Variants in EXOC1 observed in about 807,000 individuals in gnomAD.
The protein encoded by EXOC1 is SEC3-like 1.
A neutral mutation model predicts 107.7 loss-of-function variants in EXOC1; 67 were observed. The observed-to-expected ratio is 0.62, with a 90% confidence interval of 0.51 to 0.76. EXOC1 has a LOEUF of 0.76. EXOC1 is among the 30% of genes least tolerant of loss of function. The probability of loss-of-function intolerance (pLI) is 0.00; values close to 1 mark genes in which losing one functional copy is unlikely to be tolerated. For missense variants in EXOC1, 833 were observed against 1,055.7 expected (o/e 0.79, Z 2.92); for synonymous variants, 348 against 353.5 (o/e 0.98, Z 0.17).
intron 1 of EXOC1, among the ~76,000 whole-genome samples, chr4:55,854,594 T>C (rs1474343952): frequency 1.3e-5 from 2 of 152,238 alleles, no homozygotes; most frequent in Non-Finnish European, 2.9e-5. Flanking sequence ...TGTTGACTAC[T>C]GTAACCTAGA....
At chr4:55,884,166 G>A (rs1723662904) in intron 10 of EXOC1, among the ~76,000 whole-genome samples, 1 of 152,144 alleles carries the variant, frequency 6.6e-6, no homozygotes, top group African/African-American at 2.4e-5. Context: ...TATTCATGCT[G>A]TAATCAAATA....
In EXOC1 at chr4:55,904,477, C is replaced by A. The variant is rs769617214; in HGVS notation, c.2667C>A (p.Ser889Arg). ...AGGACATTCTGGATTATTGTTCCAG[C>A]ATTGCACAGTCCCACTAAACCTTGT... Reference protein sequence around the residue: ...TIQDILDYCSSIAQSH With the variant: ...TIQDILDYCSRIAQSH The change falls in exon 19 of 19, where the codon AGC becomes AGA. Residue 889 changes from serine (S) to arginine (R), a missense_variant. This residue lies in a region of EXOC1 where 216 missense variants were observed against 354.4 expected (regional missense o/e 0.61). Coordinates refer to ENST00000381295, the MANE Select transcript of EXOC1 (RefSeq NM_001024924.2). 3 of 1,612,026 alleles carry A rather than the reference C, an allele frequency of 1.9e-6. No homozygotes were observed. In the East Asian group the frequency reaches 6.7e-5, roughly 36 times the overall value.
chr4:55,878,291 C>G (rs1033927845), intron 9 of EXOC1, among the ~76,000 whole-genome samples: 6 of 152,134 alleles, frequency 3.9e-5, no homozygotes, highest in African/African-American at 1.4e-4. Context: ...ATACTGTAGC[C>G]TAAAGCATCA....
At chr4:55,901,094 A>G (rs923226690) in intron 17 of EXOC1, among the ~76,000 whole-genome samples, 3 of 152,172 alleles carry the variant, frequency 2.0e-5, no homozygotes, top group African/African-American at 4.8e-5. Flanking sequence ...TAAAGCAGAA[A>G]TATTGTTAGA....
chr4:55,870,661 G>C lies in EXOC1; in HGVS notation c.604-17G>C, dbSNP rs369775108. On this transcript the variant is annotated splice_polypyrimidine_tract_variant and intron_variant, in intron 5 of 18. Coordinates refer to ENST00000381295, the MANE Select transcript of EXOC1 (RefSeq NM_001024924.2). ...GTTTGTTTGTTTGTTTGTTTGTTTT[G>C]GTCTTTAACTTTGTAGGCTAACATC... is the stretch of plus-strand genomic sequence containing the variant. 1.8e-5 allele frequency: 25 copies of C among 1,390,280 alleles called. No homozygotes were observed. The highest frequency in any genetic ancestry group is 1.8e-4 in the Middle Eastern group (1 of 5,560). The allele number at this position is 1,390,280 out of a possible 1,614,324, so 86.1% of individuals were successfully genotyped here.
intron 5 of EXOC1, among the ~76,000 whole-genome samples, chr4:55,870,175 A>T (rs12640685): frequency 4.6e-5 from 7 of 152,228 alleles, no homozygotes. Context: ...AATTAGTTTC[A>T]TATATCCTTC....
chr4:55,890,128 T>C, intron 11 of EXOC1, 95 bp from the exon 12 acceptor site: 2 of 1,233,366 alleles, frequency 1.6e-6, no homozygotes, highest in South Asian at 2.7e-5. Flanking sequence ...CCCTGGAAGA[T>C]CAAGCCAGTA....
chr4:55,897,415 A>G (rs1472482321), intron 16 of EXOC1, among the ~76,000 whole-genome samples: 3 of 152,182 alleles, frequency 2.0e-5, no homozygotes, highest in Admixed American at 2.0e-4. Context: ...AAGCAAATCA[A>G]TTCACTTATT....
chr4:55,900,089 TTATC>T (rs1725725253), intron 17 of EXOC1, among the ~76,000 whole-genome samples: 1 of 152,166 alleles, frequency 6.6e-6, no homozygotes, highest in Non-Finnish European at 1.5e-5. Context: ...TATACATTAT[TTATC>T]TACTATATTT....
At chr4:55,887,995 G>A (rs140573982) in intron 10 of EXOC1, among the ~76,000 whole-genome samples, 178 of 152,254 alleles carry the variant, frequency 1.2e-3, no homozygotes, top group African/African-American at 4.1e-3. Flanking sequence ...TTGAAGCTTG[G>A]CAGGGATAAT....
chr4:55,862,043 G>C, intron 3 of EXOC1, among the ~76,000 whole-genome samples: 1 of 151,426 alleles, frequency 6.6e-6, no homozygotes, highest in Middle Eastern at 3.4e-3. Context: ...AACAGAGTGA[G>C]ACTCTGTCTC....
chr4:55,863,709 C>A (rs569984441), intron 3 of EXOC1, among the ~76,000 whole-genome samples: 1 of 152,270 alleles, frequency 6.6e-6, no homozygotes, highest in East Asian at 1.9e-4. Flanking sequence ...TAGGCGCAAT[C>A]TCTGCTTTTC....
intron 3 of EXOC1, among the ~76,000 whole-genome samples, chr4:55,863,732 C>T (rs1200918064): frequency 1.3e-5 from 2 of 152,118 alleles, no homozygotes; most frequent in Non-Finnish European, 2.9e-5. Flanking sequence ...CTCACTTGTT[C>T]TTAGAAAGTA....
At chr4:55,886,015 A>G (rs1159099508) in intron 10 of EXOC1, among the ~76,000 whole-genome samples, 2 of 152,182 alleles carry the variant, frequency 1.3e-5, no homozygotes, top group African/African-American at 4.8e-5. Context: ...TGCAGTCAGT[A>G]CGAACCATAC....
At position 55,874,714 on chromosome 4, in the gene EXOC1, T is replaced by G. The variant is rs113880913; in HGVS notation, c.1074+2756T>G. Among the ~76,000 whole-genome samples the G allele has an allele frequency of 3.3e-5, 5 of 152,272 alleles. 1 individual carries two copies. The highest frequency in any genetic ancestry group is 1.2e-4 in the African/African-American group (5 of 41,576). The stretch of plus-strand genomic sequence containing the variant: ...TAAAGAGTAGTTAGCTTCTTTTAGA[T>G]CTTTCAGATCTTACACACTCAACTT... On this transcript the variant is annotated intron_variant, in intron 8 of 18. Coordinates refer to ENST00000381295, the MANE Select transcript of EXOC1 (RefSeq NM_001024924.2).
At chr4:55,862,554 G>C (rs1006305723) in intron 3 of EXOC1, among the ~76,000 whole-genome samples, 2 of 151,876 alleles carry the variant, frequency 1.3e-5, no homozygotes, top group African/African-American at 4.8e-5. Flanking sequence ...GTGTTTTTTT[G>C]TAAGTAATAA....
chr4:55,876,004 G>A, intron 8 of EXOC1: 2 of 977,492 alleles, frequency 2.0e-6, no homozygotes, highest in Non-Finnish European at 1.2e-6. Flanking sequence ...ATGTGATGCT[G>A]TAGAATCCTG....
Position 55,891,351 on chromosome 4 carries a change from T to C in EXOC1, c.1576T>C (p.Cys526Arg), listed in dbSNP as rs1305020301. 2.5e-6 allele frequency: 4 copies of C among 1,613,882 alleles called. No homozygotes were observed. The highest frequency in any genetic ancestry group is 8.5e-7 in the Non-Finnish European group (1 of 1,179,954). ...EQVLSELEPL[C>R]LAEQDFISKF... ...GGTACTAAGTGAACTGGAGCCCCTA[T>C]GTCTGGCAGAACAGGACTTCATAAG... is the stretch of plus-strand genomic sequence containing the variant. Residue 526 changes from cysteine (C) to arginine (R), a missense_variant, in exon 13 of 19, where the codon TGT (cysteine) becomes CGT (arginine). This residue lies in a region of EXOC1 where 617 missense variants were observed against 701.3 expected (regional missense o/e 0.88). Coordinates refer to ENST00000381295, the MANE Select transcript of EXOC1 (RefSeq NM_001024924.2).
intron 8 of EXOC1, chr4:55,876,285 A>C: frequency 1.0e-6 from 1 of 985,462 alleles, no homozygotes; most frequent in Non-Finnish European, 1.2e-6. Context: ...ATATTCAGGT[A>C]GCCACCCAGA....
Sources: gnomAD v4.1 joint callset for allele counts (sites outside exome capture counted in the v4.1 genomes callset) on GRCh38, gnomAD v4.1.1 for gene constraint, gnomAD v4.1.1 regional missense constraint, MANE v1.5 for transcripts, NCBI Gene and HGNC (gene_info 2026-07-23, HGNC 2026-07-21) for gene names.